DUOX1: variants seen among roughly 807,000 people sequenced by gnomAD.
The protein encoded by DUOX1 is NADPH thyroid oxidase 1.
In DUOX1, 134 loss-of-function variants were observed where a neutral mutation model predicts 181.8. That is an observed-to-expected ratio of 0.74 (90% CI 0.64 to 0.85). The LOEUF is 0.85. DUOX1 is among the 40% of genes least tolerant of loss of function. The probability of loss-of-function intolerance (pLI) is 0.00; values close to 1 mark genes in which losing one functional copy is unlikely to be tolerated. For synonymous variants in DUOX1, 798 were observed against 832.5 expected, an observed-to-expected ratio of 0.96 and a Z score of 0.71; for missense variants, 1,814 against 2,064.4, an observed-to-expected ratio of 0.88 and a Z score of 2.35.
chr15:45,151,155 G>A lies in DUOX1; in HGVS notation c.2921G>A (p.Arg974His), dbSNP rs552301388. Residue 974 changes from arginine (R) to histidine (H), a missense_variant, in exon 23 of 34, where the codon CGC becomes CAC. This residue lies in a region of DUOX1 where 1,064 missense variants were observed against 1,152.9 expected (regional missense o/e 0.92). Transcript: ENST00000389037. ...CCCAGAGTGAGTGCCCGCTGTTCCCGCAGCGACATTGAGACTGAGTTGACA... is the reference window on the plus strand; with the variant it reads ...CCCAGAGTGAGTGCCCGCTGTTCCCACAGCGACATTGAGACTGAGTTGACA... ...PSPRVSARCS[R>H]SDIETELTPQ... 2.0e-5 allele frequency: 32 copies of A among 1,614,016 alleles called. No homozygotes were observed. Among genetic ancestry groups the A allele is most frequent in the Admixed American group, 5.0e-5 (3 of 60,006 alleles).
At position 45,165,103 on chromosome 15, in the gene DUOX1, T is replaced by TG. The variant is rs925938217; in HGVS notation, c.*209dup. On this transcript the variant is annotated 3_prime_UTR_variant, in exon 34 of 34. Transcript: ENST00000389037. ...GATGTGTCTCAGCCTGGAGAAATGG[T>TG]GGGGGGGCAGTGTCTAGGGACTAGA... 2.4e-4 allele frequency: 148 copies of TG among 606,666 alleles called. No individual in the cohort carries two copies. The Middle Eastern group carries it at 4.0e-3, about 16-fold the overall frequency. The allele number at this position is 606,666 out of a possible 1,614,324, so 37.6% of individuals were successfully genotyped here.
At position 45,151,934 on chromosome 15, in the gene DUOX1, CTGT is replaced by C; in HGVS notation, c.3076_3078del (p.Cys1026del). 6.2e-7 allele frequency: 1 copy of C among 1,614,084 alleles called. No individual in the cohort carries two copies. Among genetic ancestry groups the C allele is most frequent in the Non-Finnish European group, 8.5e-7 (1 of 1,180,002 alleles). Reference sequence around the variant, plus strand: ...CGCACCGAGAGAAGTTCCAACGCAGCTGTCTCCACCAGACGGTGCAACAGTTCA... The same window carrying C: ...CGCACCGAGAGAAGTTCCAACGCAGCCTCCACCAGACGGTGCAACAGTTCA... On this transcript the variant is annotated inframe_deletion, in exon 24 of 34. Coordinates refer to ENST00000389037, the MANE Select transcript of DUOX1 (RefSeq NM_175940.3).
At chr15:45,134,558 G>T (rs899349173) in intron 4 of DUOX1, among the ~76,000 whole-genome samples, 1 of 152,190 alleles carries the variant, frequency 6.6e-6, no homozygotes, top group Non-Finnish European at 1.5e-5. Context: ...TAGGGAAAAG[G>T]GGCATCCCTC....
rs144848407 is a variant in DUOX1 at position 45,139,493 on chromosome 15, G to A, written c.1283G>A (p.Arg428Gln). 67 of 1,613,028 alleles carry A rather than the reference G, an allele frequency of 4.2e-5. No homozygotes were observed. Among genetic ancestry groups the A allele is most frequent in the Admixed American group, 6.7e-5 (4 of 59,626 alleles). ...CTGGCCAGCTGCCTGCAGCGGGGCC[G>A]GGATCTGGGCCTGCCCTCTTACACC... ...DHLASCLQRG[R>Q]DLGLPSYTKA... Residue 428 changes from arginine (R) to glutamine (Q), a missense_variant, in exon 12 of 34, where the codon CGG (arginine) becomes CAG (glutamine). Coordinates refer to ENST00000389037, the MANE Select transcript of DUOX1 (RefSeq NM_175940.3).
rs144181354 is a variant in DUOX1 at position 45,163,875 on chromosome 15, C to A, written c.4490C>A (p.Pro1497His). ...LRSITHFGRP[P>H]FEPFFNSLQE... The stretch of plus-strand genomic sequence containing the variant: ...TCCATCACCCACTTTGGCCGTCCCC[C>A]CTTTGAGCCCTTCTTCAACTCCCTG... The change falls in exon 33 of 34, where the codon CCC becomes CAC. Residue 1497 changes from proline (P) to histidine (H), a missense_variant. By Grantham distance (77) the Pro-to-His change is moderately conservative (BLOSUM62 -2). Coordinates refer to ENST00000389037, the MANE Select transcript of DUOX1 (RefSeq NM_175940.3). 6 of 1,614,056 alleles carry A rather than the reference C, an allele frequency of 3.7e-6. No individual in the cohort carries two copies. The highest frequency in any genetic ancestry group is 4.5e-5 in the East Asian group (2 of 44,888).
chr15:45,155,989 G>T, intron 28 of DUOX1, 60 bp downstream of exon 28: 1 of 1,599,836 alleles, frequency 6.3e-7, no homozygotes. Context: ...TTCCAGGGAG[G>T]CAAGGAGAGC....
chr15:45,135,075 C>T (rs781137797), intron 4 of DUOX1, 29 bp from the exon 5 acceptor site: 2 of 1,606,918 alleles, frequency 1.2e-6, no homozygotes, highest in East Asian at 2.3e-5. Flanking sequence ...CTCTGCTTGC[C>T]CTAGCACCCC....
intron 7 of DUOX1, 103 bp from the exon 8 acceptor site, chr15:45,136,247 T>TG (rs1461485630): frequency 6.5e-7 from 1 of 1,547,370 alleles, no homozygotes; most frequent in African/African-American, 1.4e-5. Context: ...TGACTGACCC[T>TG]GGCTGGTCCT....
intron 28 of DUOX1, among the ~76,000 whole-genome samples, chr15:45,156,895 C>T (rs1170731903): frequency 3.3e-5 from 5 of 152,136 alleles, no homozygotes; most frequent in Non-Finnish European, 5.9e-5. Context: ...TTCTGTGTCC[C>T]TGTGTTGTGG....
In DUOX1 at chr15:45,141,055, A is replaced by T; in HGVS notation, c.1550A>T (p.Glu517Val). The T allele has an allele frequency of 6.2e-7, 1 of 1,614,194 alleles. No homozygotes were observed. Among genetic ancestry groups the T allele is most frequent in the Non-Finnish European group, 8.5e-7 (1 of 1,180,032 alleles). ...CGGGATGGTGACCGCTACTGGTTTG[A>T]GAACACCAGGAATGGGTAAGGCGTG... ...RLRDGDRYWF[E>V]NTRNGLFSKK... is the part of the protein sequence containing the mutation. The change falls in exon 13 of 34, where the codon GAG (glutamate) becomes GTG (valine). Residue 517 changes from glutamate (E) to valine (V), a missense_variant. Transcript: ENST00000389037.
At chr15:45,162,190 T>C in intron 30 of DUOX1, 29 bp from the exon 31 acceptor site, 1 of 1,587,882 alleles carries the variant, frequency 6.3e-7, no homozygotes, top group South Asian at 1.2e-5. Flanking sequence ...GTGGCCAAGC[T>C]TAACTGAAAC....
chr15:45,139,648 G>T (rs370123853), intron 12 of DUOX1, 49 bp downstream of exon 12: 2 of 1,501,048 alleles, frequency 1.3e-6, no homozygotes, highest in South Asian at 1.4e-5. Context: ...GACAAGGCAC[G>T]TGGGCCTGAG....
At chr15:45,158,852 A>T (rs562247413) in intron 28 of DUOX1, among the ~76,000 whole-genome samples, 32 of 152,270 alleles carry the variant, frequency 2.1e-4, no homozygotes, top group African/African-American at 7.2e-4. Flanking sequence ...AAAAAGTGGC[A>T]CATGCATGAA....
rs368125151 is a variant in DUOX1, at chr15:45,151,160, G to A, written c.2926G>A (p.Asp976Asn). ...PRVSARCSRS[D>N]IETELTPQRL... ...AGTGAGTGCCCGCTGTTCCCGCAGC[G>A]ACATTGAGACTGAGTTGACACCTCA... Residue 976 changes from aspartate to asparagine, a missense_variant, in exon 23 of 34, where the codon GAC (aspartate) becomes AAC (asparagine). Physicochemically the swap from Asp to Asn is conservative, Grantham distance 23. Around this residue, in one of 5 missense-constraint regions of DUOX1, gnomAD observed 1,064 missense variants for 1,152.9 expected, o/e 0.92. Coordinates refer to ENST00000389037, the MANE Select transcript of DUOX1 (RefSeq NM_175940.3). 5.5e-5 allele frequency: 88 copies of A among 1,614,160 alleles called. No homozygotes were observed. Among genetic ancestry groups the A allele is most frequent in the Middle Eastern group, 1.6e-4 (1 of 6,062 alleles).
chr15:45,141,828 T>C (rs1285801097), intron 14 of DUOX1, 147 bp from the exon 15 acceptor site: 2 of 764,242 alleles, frequency 2.6e-6, no homozygotes, highest in African/African-American at 1.8e-5. Flanking sequence ...GATTCATTTT[T>C]TACCCCACTT....
At chr15:45,138,140 C>G (rs1896384675) in intron 10 of DUOX1, 126 bp downstream of exon 10, 2 of 621,378 alleles carry the variant, frequency 3.2e-6, no homozygotes, top group Non-Finnish European at 4.9e-6. Context: ...AAGGCTGACG[C>G]AGGTAGCTGG....
intron 33 of DUOX1, 80 bp from the exon 34 acceptor site, chr15:45,164,699 G>A: frequency 6.5e-7 from 1 of 1,533,678 alleles, no homozygotes; most frequent in African/African-American, 1.4e-5. Context: ...TTGAACTAGG[G>A]AGCTACCCCT....
chr15:45,133,497 T>C (rs1046700764), intron 2 of DUOX1, among the ~76,000 whole-genome samples: 1 of 152,128 alleles, frequency 6.6e-6, no homozygotes, highest in Non-Finnish European at 1.5e-5. Flanking sequence ...TTCTGTCCTG[T>C]TGTGTCCCCT....
intron 14 of DUOX1, among the ~76,000 whole-genome samples, chr15:45,141,751 CGT>C (rs5812287): frequency 0.26 from 38,382 of 148,400 alleles, 4,985 homozygotes; most frequent in Middle Eastern, 0.31. Context: ...GTGAGGGAAG[CGT>C]GTGTGTGTGT....
Sources: allele counts gnomAD v4.1 joint callset (sites outside exome capture counted in the v4.1 genomes callset), GRCh38; gene constraint gnomAD v4.1.1; regional missense constraint gnomAD v4.1.1; transcripts MANE v1.5; gene names NCBI Gene and HGNC (gene_info 2026-07-23, HGNC 2026-07-21).